The following ALG12 variants were observed in gnomAD, a reference collection of about 807,000 sequenced individuals.
The protein encoded by ALG12 is ALG12 alpha-1,6-mannosyltransferase.
Under a neutral mutation model 46.0 loss-of-function variants are expected in ALG12, and 36 were observed. The ratio of observed to expected loss-of-function variants is 0.78; its 90% CI spans 0.60 to 1.03. The LOEUF (loss-of-function observed/expected upper bound fraction) is 1.03. ALG12 is among the 50% of genes least tolerant of loss of function. The probability of loss-of-function intolerance (pLI) is 0.00; values close to 1 mark genes in which losing one functional copy is unlikely to be tolerated. For synonymous variants in ALG12, 326 were observed against 291.6 expected (o/e 1.12, Z -1.20); for missense variants, 599 against 633.5 (o/e 0.95, Z 0.58).
Position 49,909,918 on chromosome 22 carries a change from CGGCGT to C in ALG12, c.635_639del (p.His212ArgfsTer121). 1 of 1,614,150 alleles carries C rather than the reference CGGCGT, an allele frequency of 6.2e-7. No homozygotes were observed. Among genetic ancestry groups the C allele is most frequent in the Non-Finnish European group, 8.5e-7 (1 of 1,180,028 alleles). On this transcript the variant is annotated frameshift_variant, in exon 5 of 10. Transcript: ENST00000330817. LOFTEE classifies it high-confidence loss of function. ...CCTAAACAGAGGATCCCTGCCGGGA[CGGCGT>C]GGCGAAGGGCTCTGACTACAGAAAC...
chr22:49,898,150 A>C (rs2060491128), downstream of ALG12, among the ~76,000 whole-genome samples: 2 of 151,502 alleles, frequency 1.3e-5, no homozygotes, highest in South Asian at 4.2e-4. Flanking sequence ...ACAGGCATAC[A>C]CCATCACACC....
the ALG12 span, chr22:49,883,569 A>T: frequency 7.0e-7 from 1 of 1,428,676 alleles, no homozygotes; most frequent in Non-Finnish European, 9.2e-7. Flanking sequence ...ATTATGACGA[A>T]AAAGTGAAGA....
intron 6 of ALG12, among the ~76,000 whole-genome samples, chr22:49,908,969 A>G (rs1328942296): frequency 6.6e-5 from 10 of 150,916 alleles, no homozygotes; most frequent in Admixed American, 5.9e-4. Flanking sequence ...AAAAAAAAAA[A>G]GCAGATTGTC....
chr22:49,878,898 A>G, the ALG12 span, among the ~76,000 whole-genome samples: 2 of 151,808 alleles, frequency 1.3e-5, no homozygotes, highest in South Asian at 2.1e-4. Context: ...TAACCCCAAC[A>G]CTTTGGGAGG....
chr22:49,917,821 G>T lies in ALG12; in HGVS notation c.-79+442C>A, dbSNP rs547300155. On this transcript the variant is annotated intron_variant, in intron 1 of 9. Coordinates refer to ENST00000330817, the MANE Select transcript of ALG12 (RefSeq NM_024105.4). The stretch of plus-strand genomic sequence containing the variant: ...CCCCTAATTTAAACCAGGGGTTCCT[G>T]AACATGAGCGAGTGTTCATCACCTC... 4.6e-4 allele frequency among the ~76,000 whole-genome samples: 69 copies of T among 149,138 alleles called. No homozygotes were observed. In the South Asian group the frequency reaches 0.015, roughly 32 times the overall value.
downstream of ALG12, among the ~76,000 whole-genome samples, chr22:49,895,775 C>T (rs550336144): frequency 1.3e-5 from 2 of 152,180 alleles, no homozygotes; most frequent in Admixed American, 6.5e-5. Context: ...AATTAAAATA[C>T]TAGGTTTTCT....
the ALG12 span, among the ~76,000 whole-genome samples, chr22:49,873,965 C>T: frequency 7.9e-5 from 12 of 152,322 alleles, no homozygotes; most frequent in South Asian, 6.2e-4. Context: ...AGGACATTCC[C>T]GGGGAGCTGG....
chr22:49,862,974 T>A, the ALG12 span, among the ~76,000 whole-genome samples: 1 of 151,956 alleles, frequency 6.6e-6, no homozygotes, highest in Non-Finnish European at 1.5e-5. Context: ...AATGCTGGGA[T>A]TACAGGTGTG....
At chr22:49,893,074 C>G in the ALG12 span, among the ~76,000 whole-genome samples, 2 of 152,080 alleles carry the variant, frequency 1.3e-5, no homozygotes, top group Non-Finnish European at 2.9e-5. Context: ...GTAGTTAGTA[C>G]CAAATTAGGC....
the ALG12 span, chr22:49,885,607 T>A: frequency 6.2e-7 from 1 of 1,610,088 alleles, no homozygotes; most frequent in African/African-American, 1.3e-5. Flanking sequence ...TGAGAAGTTT[T>A]ACGATTCTCA....
rs1197191293 is a variant in ALG12, at chr22:49,905,936, CTG to C, written c.993-1432_993-1431del. Among the ~76,000 whole-genome samples, 1 of 152,192 alleles carries C rather than the reference CTG, an allele frequency of 6.6e-6. No homozygotes were observed. The highest frequency in any genetic ancestry group is 1.5e-5 in the Non-Finnish European group (1 of 68,018). Reference sequence around the variant, plus strand: ...CGCCCAAACCTGGAGTGGGCAGTCACTGTGGAAAGCTCGCAATCAGAAACCTT... The same window carrying C: ...CGCCCAAACCTGGAGTGGGCAGTCACTGGAAAGCTCGCAATCAGAAACCTT... On this transcript the variant is annotated intron_variant, in intron 7 of 9. Transcript: ENST00000330817. This position sits in a 1 kb window ranked among gnomAD's most constrained non-coding sequence, Gnocchi z 4.9.
At chr22:49,910,192 A>C in intron 4 of ALG12, 104 bp from the exon 5 acceptor site, 1 of 1,360,148 alleles carries the variant, frequency 7.4e-7, no homozygotes, top group East Asian at 2.5e-5. Context: ...TATAAAAGCC[A>C]CACAAATATC....
intron 5 of ALG12, 69 bp from the exon 6 acceptor site, chr22:49,909,416 C>T: frequency 6.9e-7 from 1 of 1,440,954 alleles, no homozygotes; most frequent in Non-Finnish European, 9.7e-7. Context: ...CACAATGCAG[C>T]CCCCATCACT....
the ALG12 span, among the ~76,000 whole-genome samples, chr22:49,876,267 C>T: frequency 1.6e-4 from 24 of 152,280 alleles, no homozygotes; most frequent in Admixed American, 1.4e-3. Context: ...TGTTGGACTG[C>T]TCAATAAATG....
In ALG12 at chr22:49,907,751, T is replaced by C; in HGVS notation, c.962A>G (p.Asn321Ser). Residue 321 changes from asparagine to serine, a missense_variant, in exon 7 of 10, where the codon AAC becomes AGC. Physicochemically the swap from Asn to Ser is conservative, Grantham distance 46. Transcript: ENST00000330817. ...GGAGCAGCCTCTGGCAGCCGTGATG[T>C]TGAGCATGGGGAAGGCATAGATGAT... is the stretch of plus-strand genomic sequence containing the variant. The part of the protein sequence containing the change: ...RFIIYAFPML[N>S]ITAARGCSYL... 1 of 1,614,130 alleles carries C rather than the reference T, an allele frequency of 6.2e-7. No homozygotes were observed. Among genetic ancestry groups the C allele is most frequent in the Non-Finnish European group, 8.5e-7 (1 of 1,180,042 alleles).
In ALG12 at chr22:49,903,967, G is replaced by A. The variant is rs760527951; in HGVS notation, c.1338C>T (p.Asp446=). ...AAPGLLALYR[D]THRVLASVVG... ...CGACGCTGGCCAGGACCCGGTGTGT[G>A]TCCCTGTAGAGGGCCAGGAGCCCAG... is the stretch of plus-strand genomic sequence containing the variant. The change falls in exon 10 of 10, where the codon GAC becomes GAT. Residue 446 remains aspartate, a synonymous_variant. Transcript: ENST00000330817. 17 of 1,614,102 alleles carry A rather than the reference G, an allele frequency of 1.1e-5. No homozygotes were observed. The highest frequency in any genetic ancestry group is 1.3e-5 in the Non-Finnish European group (15 of 1,180,030).
Position 49,902,195 on chromosome 22 carries a change from TGTGTGCAC to T in ALG12, c.*1635_*1642del, listed in dbSNP as rs2060513725. 1 of 144,156 alleles carries T rather than the reference TGTGTGCAC, an allele frequency of 6.9e-6. No homozygotes were observed. Among genetic ancestry groups the T allele is most frequent in the Non-Finnish European group, 1.5e-5 (1 of 66,752 alleles). 8.9% of individuals were successfully genotyped at this position (144,156 alleles called of 1,614,324 possible). A position where few individuals can be genotyped will look rare whatever the true frequency, so the allele number is the denominator to read the frequency against. On this transcript the variant is annotated 3_prime_UTR_variant, in exon 10 of 10. Coordinates refer to ENST00000330817, the MANE Select transcript of ALG12 (RefSeq NM_024105.4). ...CACTGTGTGTGGTGTGTATGCATGG[TGTGTGCAC>T]ATGTGCACTGTGTGGTGTGTATGCA...
chr22:49,859,369 CT>C, the ALG12 span, among the ~76,000 whole-genome samples: 1 of 151,946 alleles, frequency 6.6e-6, no homozygotes, highest in East Asian at 1.9e-4. Flanking sequence ...CTAGTAAAGC[CT>C]TTTGTTTTGT....
At chr22:49,891,349 A>T in the ALG12 span, among the ~76,000 whole-genome samples, 1 of 152,216 alleles carries the variant, frequency 6.6e-6, no homozygotes, top group African/African-American at 2.4e-5. Context: ...CATCGAGTGG[A>T]AAGCTTGCTC....
Sources: allele counts gnomAD v4.1 joint callset (sites outside exome capture counted in the v4.1 genomes callset), GRCh38; gene constraint gnomAD v4.1.1; non-coding constraint Gnocchi (gnomAD v3.1); transcripts MANE v1.5; gene names NCBI Gene and HGNC (gene_info 2026-07-23, HGNC 2026-07-21).